Variants in CABCOCO1 observed in about 807,000 individuals in gnomAD.
The protein encoded by CABCOCO1 is ciliary-associated calcium-binding coiled-coil protein 1.
CABCOCO1 carries 28 observed loss-of-function variants against 35.7 expected under a neutral mutation model. The observed-to-expected ratio is 0.78, with a 90% CI of 0.58 to 1.07. The LOEUF is 1.07. Among genes scored for constraint, CABCOCO1 ranks in the 50% least tolerant of loss-of-function variants. The pLI is 0.00. For missense variants in CABCOCO1, 326 were observed against 309.2 expected (o/e 1.05, Z -0.41); for synonymous variants, 95 against 100.1 (o/e 0.95, Z 0.30).
chr10:61,757,670 A>C (rs1841925311), intron 5 of CABCOCO1, among the ~76,000 whole-genome samples: 1 of 146,350 alleles, frequency 6.8e-6, no homozygotes. Context: ...CCAAGTTTCC[A>C]AGTGTGTGCC....
intron 5 of CABCOCO1, among the ~76,000 whole-genome samples, chr10:61,752,480 C>T (rs1171307599): frequency 6.6e-6 from 1 of 151,390 alleles, no homozygotes; most frequent in African/African-American, 2.4e-5. Context: ...AAAAGGGAAA[C>T]ACACAAACTA....
chr10:61,681,961 C>T (rs921427759), intron 3 of CABCOCO1, among the ~76,000 whole-genome samples: 2 of 151,982 alleles, frequency 1.3e-5, no homozygotes, highest in Non-Finnish European at 2.9e-5. Flanking sequence ...AAGATTTCTT[C>T]GTACGTATTT....
intron 5 of CABCOCO1, among the ~76,000 whole-genome samples, chr10:61,716,506 G>A (rs932352853): frequency 6.6e-6 from 1 of 152,064 alleles, no homozygotes; most frequent in African/African-American, 2.4e-5. Context: ...ATTTATGCTT[G>A]TCCAAAACCA....
chr10:61,701,200 A>G (rs1418857411), intron 5 of CABCOCO1, among the ~76,000 whole-genome samples: 1 of 152,118 alleles, frequency 6.6e-6, no homozygotes, highest in Non-Finnish European at 1.5e-5. Context: ...CTCATTTTTA[A>G]AAAGTAACAG....
chr10:61,731,491 T>C (rs1302273680), intron 5 of CABCOCO1, among the ~76,000 whole-genome samples: 3 of 152,082 alleles, frequency 2.0e-5, no homozygotes, highest in Admixed American at 6.6e-5. Context: ...GTAGAAGTTT[T>C]CAGTATTTAC....
chr10:61,681,851 C>T (rs1462406811), intron 3 of CABCOCO1, among the ~76,000 whole-genome samples: 1 of 151,844 alleles, frequency 6.6e-6, no homozygotes, highest in Admixed American at 6.6e-5. Flanking sequence ...CAAAGAAATG[C>T]TGGAAGATAC....
At chr10:61,685,320 G>A (rs1472799008) in intron 3 of CABCOCO1, 2 of 152,176 alleles carry the variant, frequency 1.3e-5, no homozygotes, top group Admixed American at 6.5e-5. Flanking sequence ...CAGCTCTGCT[G>A]TCTAGTAACT....
At chr10:61,731,878 A>G (rs1368044960) in intron 5 of CABCOCO1, among the ~76,000 whole-genome samples, 3 of 152,032 alleles carry the variant, frequency 2.0e-5, no homozygotes, top group African/African-American at 7.2e-5. Context: ...TTCACCCTTA[A>G]TATAGATGCC....
At chr10:61,741,967 T>C (rs1001105678) in intron 5 of CABCOCO1, among the ~76,000 whole-genome samples, 1 of 152,218 alleles carries the variant, frequency 6.6e-6, no homozygotes, top group Non-Finnish European at 1.5e-5. Flanking sequence ...GGCTGCTGTT[T>C]GTACATGGTT....
intron 7 of CABCOCO1, among the ~76,000 whole-genome samples, chr10:61,764,980 A>G (rs1046611112): frequency 6.6e-6 from 1 of 152,134 alleles, no homozygotes; most frequent in Non-Finnish European, 1.5e-5. Flanking sequence ...ACAGTATTTG[A>G]TTTTTTTAAA....
Position 61,690,473 on chromosome 10 carries a change from T to C in CABCOCO1, c.480-76T>C. ...AGTTTGGTCAATATGAAGTTTCCTT[T>C]AATAAATGTCTTTACATATTGTGTT... On this transcript the variant is annotated intron_variant, in intron 4 of 7. Transcript: ENST00000648843. 3 of 984,098 alleles carry C rather than the reference T, an allele frequency of 3.0e-6. 1 individual carries two copies. Among genetic ancestry groups the C allele is most frequent in the South Asian group, 3.0e-5 (2 of 66,776 alleles). 61.0% of individuals were successfully genotyped at this position (984,098 alleles called of 1,614,324 possible). A position where few individuals can be genotyped will look rare whatever the true frequency, so the allele number is the denominator to read the frequency against.
intron 5 of CABCOCO1, among the ~76,000 whole-genome samples, chr10:61,693,541 A>C (rs539469823): frequency 6.6e-6 from 1 of 152,300 alleles, no homozygotes; most frequent in South Asian, 2.1e-4. Context: ...GTGAGGAAAG[A>C]ATGATGAAAT....
chr10:61,699,866 T>G (rs1277115813), intron 5 of CABCOCO1, among the ~76,000 whole-genome samples: 1 of 152,178 alleles, frequency 6.6e-6, no homozygotes, highest in Non-Finnish European at 1.5e-5. Context: ...TTATTGTTTC[T>G]CCTGTTTTTC....
At position 61,710,961 on chromosome 10, in the gene CABCOCO1, CA is replaced by C. The variant is rs544412140; in HGVS notation, c.552+20345del. Among the ~76,000 whole-genome samples the C allele has an allele frequency of 4.8e-4, 73 of 151,640 alleles. 2 individuals carry two copies. In the South Asian group the frequency reaches 0.014, roughly 29 times the overall value. ...ATACTACAAACCCCAAATCAATCAC[CA>C]AAAACAAACAAAAACTTATAGCTAA... On this transcript the variant is annotated intron_variant, in intron 5 of 7. Transcript: ENST00000648843.
At chr10:61,729,557 G>A (rs780583185) in intron 5 of CABCOCO1, among the ~76,000 whole-genome samples, 43 of 152,184 alleles carry the variant, frequency 2.8e-4, no homozygotes, top group Middle Eastern at 3.4e-3. Context: ...CAGTATGGAG[G>A]TTCCTCAGAA....
intron 5 of CABCOCO1, among the ~76,000 whole-genome samples, chr10:61,738,019 C>G (rs10994904): frequency 0.52 from 77,812 of 149,442 alleles, 23,677 homozygotes; most frequent in Middle Eastern, 0.71. Context: ...CCAATTAAAG[C>G]GTATACAAAA....
chr10:61,729,524 A>G (rs1273937013), intron 5 of CABCOCO1, among the ~76,000 whole-genome samples: 1 of 152,188 alleles, frequency 6.6e-6, no homozygotes, highest in East Asian at 1.9e-4. Context: ...TGGGAATGCA[A>G]AATTTCCAGC....
intron 2 of CABCOCO1, among the ~76,000 whole-genome samples, chr10:61,674,120 T>C (rs1839439965): frequency 6.6e-6 from 1 of 152,186 alleles, no homozygotes; most frequent in African/African-American, 2.4e-5. Flanking sequence ...ATAAAAGGTG[T>C]TGCAAATAAG....
Position 61,680,717 on chromosome 10 carries a change from C to CATA in CABCOCO1, c.165-425_165-423dup, listed in dbSNP as rs1302124337. On this transcript the variant is annotated intron_variant, in intron 2 of 7. Transcript: ENST00000648843. ...ACATATATATGTTATACATGTATAA[C>CATA]ATATATATTATATATATAATATATA... 4.2e-4 allele frequency among the ~76,000 whole-genome samples: 38 copies of CATA among 91,266 alleles called. 1 individual carries two copies. The highest frequency in any genetic ancestry group is 7.0e-4 in the Non-Finnish European group (34 of 48,286). 59.9% of individuals were successfully genotyped at this position (91,266 alleles called of 152,430 possible). A position where few individuals can be genotyped will look rare whatever the true frequency, so the allele number is the denominator to read the frequency against.
Sources: gnomAD v4.1 joint callset for allele counts (sites outside exome capture counted in the v4.1 genomes callset) on GRCh38, gnomAD v4.1.1 for gene constraint, MANE v1.5 for transcripts, NCBI Gene and HGNC (gene_info 2026-07-23, HGNC 2026-07-21) for gene names.